Variants in CCDC141 observed in about 807,000 individuals in gnomAD.
CCDC141 encodes coiled-coil domain-containing protein 141.
Under a neutral mutation model 181.0 loss-of-function variants are expected in CCDC141, and 168 were observed. The ratio of observed to expected loss-of-function variants is 0.93; its 90% CI spans 0.82 to 1.05. The LOEUF is 1.05. Ranked by LOEUF, CCDC141 falls within the 50% of genes least tolerant of loss-of-function variation. The probability of loss-of-function intolerance (pLI) is 0.00; values close to 1 mark genes in which losing one functional copy is unlikely to be tolerated. For missense variants in CCDC141, 1,902 were observed against 1,788.5 expected (o/e 1.06, Z -1.14); for synonymous variants, 666 against 642.3 (o/e 1.04, Z -0.56).
intron 2 of CCDC141, among the ~76,000 whole-genome samples, chr2:179,001,350 G>A (rs1451438829): frequency 1.3e-5 from 2 of 152,156 alleles, no homozygotes; most frequent in African/African-American, 4.8e-5. Context: ...GTAGTCTTGG[G>A]AGTATCACCT....
chr2:179,028,748 G>A (rs1008942348), intron 2 of CCDC141, among the ~76,000 whole-genome samples: 1 of 151,846 alleles, frequency 6.6e-6, no homozygotes, highest in African/African-American at 2.4e-5. Context: ...ATACTATGTT[G>A]CTATAACAAA....
At chr2:179,010,539 C>G (rs545033588) in intron 2 of CCDC141, among the ~76,000 whole-genome samples, 1 of 152,188 alleles carries the variant, frequency 6.6e-6, no homozygotes, top group Admixed American at 6.5e-5. Context: ...AATTTTGTAT[C>G]CAGCAAACCT....
At position 178,978,807 on chromosome 2, in the gene CCDC141, T is replaced by C. The variant is rs56787625; in HGVS notation, c.226-132A>G. ...CAGAATTTATAAACACAAACTGTTA[T>C]GCAAGAAGGTGTATCAAACAGGAAG... On this transcript the variant is annotated intron_variant, in intron 2 of 23. Coordinates refer to ENST00000443758, the MANE Select transcript of CCDC141 (RefSeq NM_173648.4). 3,073 of 676,622 alleles carry C rather than the reference T, an allele frequency of 4.5e-3. 78 individuals are homozygous for C. In the African/African-American group the frequency reaches 0.052, roughly 11 times the overall value. The allele number at this position is 676,622 out of a possible 1,614,324, so 41.9% of individuals were successfully genotyped here. A position where few individuals can be genotyped will look rare whatever the true frequency, so the allele number is the denominator to read the frequency against.
At position 178,905,916 on chromosome 2, in the gene CCDC141, T is replaced by C. The variant is rs1171172432; in HGVS notation, c.1093-415A>G. ...GCAAGAATGTTTCTGTAATATTCTT[T>C]AGAGGAAATTTCCCAGTAAATTCCA... On this transcript the variant is annotated intron_variant, in intron 7 of 23. Coordinates refer to ENST00000443758, the MANE Select transcript of CCDC141 (RefSeq NM_173648.4). Among the ~76,000 whole-genome samples, 6 of 152,240 alleles carry C rather than the reference T, an allele frequency of 3.9e-5. No individual in the cohort carries two copies. In the East Asian group the frequency reaches 9.6e-4, roughly 24 times the overall value.
downstream of CCDC141, chr2:178,825,384 T>C (rs1684108380): frequency 6.6e-6 from 1 of 152,168 alleles, no homozygotes; most frequent in African/African-American, 2.4e-5. Context: ...CAGGATGTGA[T>C]GTCAGAGGCC....
chr2:178,849,505 C>T (rs990345708), intron 21 of CCDC141, among the ~76,000 whole-genome samples: 2 of 152,186 alleles, frequency 1.3e-5, no homozygotes, highest in Admixed American at 1.3e-4. Flanking sequence ...GACAAAGAAA[C>T]ATATGTATTT....
At chr2:179,004,126 C>G (rs148912530) in intron 2 of CCDC141, among the ~76,000 whole-genome samples, 51 of 152,098 alleles carry the variant, frequency 3.4e-4, no homozygotes, top group African/African-American at 1.1e-3. Context: ...CAAATTTGGT[C>G]TATTGGTTTC....
At chr2:178,968,151 C>T (rs1690719879) in intron 4 of CCDC141, among the ~76,000 whole-genome samples, 1 of 152,156 alleles carries the variant, frequency 6.6e-6, no homozygotes. Flanking sequence ...CACTTTAACA[C>T]CCCACTGTCA....
chr2:178,924,220 A>T (rs2154375250), intron 6 of CCDC141, among the ~76,000 whole-genome samples: 1 of 152,350 alleles, frequency 6.6e-6, no homozygotes, highest in African/African-American at 2.4e-5. Flanking sequence ...CTACTAAAAA[A>T]TATTAACTGT....
chr2:179,006,609 T>G (rs1426655823), intron 2 of CCDC141, among the ~76,000 whole-genome samples: 2 of 152,176 alleles, frequency 1.3e-5, no homozygotes, highest in Non-Finnish European at 1.5e-5. Context: ...CTAGAAACTT[T>G]GCATGTGAAA....
chr2:178,860,805 T>C (rs1262095704), intron 17 of CCDC141, among the ~76,000 whole-genome samples: 1 of 152,026 alleles, frequency 6.6e-6, no homozygotes, highest in Non-Finnish European at 1.5e-5. Context: ...TGACAATTGC[T>C]CTGTCTTAAA....
chr2:178,901,956 C>A (rs898957854), intron 8 of CCDC141, among the ~76,000 whole-genome samples: 7 of 152,154 alleles, frequency 4.6e-5, no homozygotes, highest in Middle Eastern at 3.4e-3. Context: ...TCTTATACAC[C>A]AACAACAGAC....
chr2:178,907,494 C>T (rs964392997), intron 7 of CCDC141, among the ~76,000 whole-genome samples: 1 of 152,204 alleles, frequency 6.6e-6, no homozygotes, highest in African/African-American at 2.4e-5. Context: ...TTAAAACTTA[C>T]TTTTTGTAAA....
chr2:178,990,651 A>G (rs1028282755), intron 2 of CCDC141, among the ~76,000 whole-genome samples: 5 of 151,946 alleles, frequency 3.3e-5, no homozygotes, highest in Admixed American at 3.3e-4. Context: ...AGACCAATAC[A>G]TGCTACAACA....
At chr2:178,967,370 A>C (rs1690686903) in intron 4 of CCDC141, among the ~76,000 whole-genome samples, 1 of 151,168 alleles carries the variant, frequency 6.6e-6, no homozygotes, top group Non-Finnish European at 1.5e-5. Flanking sequence ...CGGGTTACCC[A>C]CAAAGACTAA....
At chr2:178,969,351 T>C (rs1211932087) in intron 4 of CCDC141, among the ~76,000 whole-genome samples, 1 of 152,160 alleles carries the variant, frequency 6.6e-6, no homozygotes, top group African/African-American at 2.4e-5. Flanking sequence ...ATATTCCTGA[T>C]GAACATCGAC....
chr2:178,839,581 CAAAAAA>C (rs58096328), intron 22 of CCDC141, among the ~76,000 whole-genome samples: 5 of 59,498 alleles, frequency 8.4e-5, no homozygotes, highest in African/African-American at 1.4e-4. Flanking sequence ...ACTTCGTCTC[CAAAAAA>C]AAAAAAAAAA....
At chr2:178,940,592 GT>G (rs1271361568) in intron 6 of CCDC141, among the ~76,000 whole-genome samples, 1 of 152,124 alleles carries the variant, frequency 6.6e-6, no homozygotes, top group Non-Finnish European at 1.5e-5. Context: ...CTAAAAAAAT[GT>G]TTTTAAAGAT....
At position 178,986,380 on chromosome 2, in the gene CCDC141, G is replaced by A. The variant is rs1575308646; in HGVS notation, c.226-7705C>T. Among the ~76,000 whole-genome samples, 2 of 152,174 alleles carry A rather than the reference G, an allele frequency of 1.3e-5. 1 individual carries two copies. Among genetic ancestry groups the A allele is most frequent in the South Asian group, 4.1e-4 (2 of 4,832 alleles). ...ATATCATACTGAATGGGCAAAAACTGAAAGCATTCCCTTTGAAAACTGGCA... is the reference window on the plus strand; with the variant it reads ...ATATCATACTGAATGGGCAAAAACTAAAAGCATTCCCTTTGAAAACTGGCA... On this transcript the variant is annotated intron_variant, in intron 2 of 23. Coordinates refer to ENST00000443758, the MANE Select transcript of CCDC141 (RefSeq NM_173648.4).
Sources: gnomAD v4.1 joint callset for allele counts (sites outside exome capture counted in the v4.1 genomes callset) on GRCh38, gnomAD v4.1.1 for gene constraint, MANE v1.5 for transcripts, NCBI Gene and HGNC (gene_info 2026-07-23, HGNC 2026-07-21) for gene names.